The following FETUB variants were observed in gnomAD, a reference collection of about 807,000 sequenced individuals.
The protein encoded by FETUB is fetuin B, also known as fetuin-B.
FETUB carries 28 observed loss-of-function variants against 30.9 expected under a neutral mutation model. The ratio of observed to expected loss-of-function variants is 0.90; its 90% CI spans 0.67 to 1.24. The LOEUF (loss-of-function observed/expected upper bound fraction) is 1.24, where lower values mean the gene tolerates loss of function less well. Among genes scored for constraint, FETUB ranks in the 50% most tolerant of loss-of-function variants. The pLI, the probability that FETUB is intolerant of heterozygous loss-of-function variation, is 0.00. For synonymous variants in FETUB, 186 were observed against 175.9 expected, an observed-to-expected ratio of 1.06 and a Z score of -0.45; for missense variants, 469 against 455.3, an observed-to-expected ratio of 1.03 and a Z score of -0.27.
At chr3:186,652,107 G>A (rs181827913) in intron 6 of FETUB, among the ~76,000 whole-genome samples, 156 bp from the exon 7 acceptor site, 5 of 152,204 alleles carry the variant, frequency 3.3e-5, no homozygotes, top group Admixed American at 6.5e-5. Context: ...GCCCTTATCT[G>A]TTTTGTTTTT....
chr3:186,641,169 G>A, intron 2 of FETUB, 29 bp downstream of exon 2: 1 of 1,417,504 alleles, frequency 7.1e-7, no homozygotes, highest in Middle Eastern at 1.8e-4. Context: ...AAACCATTAA[G>A]GGCCCTAGGG....
chr3:186,642,564 A>G lies in FETUB; in HGVS notation c.424+6A>G, dbSNP rs1408749385. On this transcript the variant is annotated splice_donor_region_variant and intron_variant, in intron 3 of 6. Transcript: ENST00000265029. ...TAACTGTACTCTTCGCCCAGGTAAGAAATCACTACGATTTTGTTAGTTTTA... is the reference window on the plus strand; with the variant it reads ...TAACTGTACTCTTCGCCCAGGTAAGGAATCACTACGATTTTGTTAGTTTTA... 1.9e-6 allele frequency: 3 copies of G among 1,539,996 alleles called. No homozygotes were observed. The highest frequency in any genetic ancestry group is 2.7e-6 in the Non-Finnish European group (3 of 1,114,622).
In FETUB at chr3:186,652,501, A is replaced by G. The variant is rs551865573; in HGVS notation, c.1019A>G (p.Asp340Gly). 1.9e-6 allele frequency: 3 copies of G among 1,614,058 alleles called. No individual in the cohort carries two copies. The African/African-American group carries it at 4.0e-5, about 22-fold the overall frequency. Residue 340 changes from aspartate (D) to glycine (G), a missense_variant, in exon 7 of 7, where the codon GAT becomes GGT. Asp to Gly is a moderately conservative substitution (Grantham distance 94). Transcript: ENST00000265029. ...LTTNPQGETL[D>G]ISFLFLEPME... ...ACGAATCCCCAGGGAGAAACCCTGG[A>G]TATTTCCTTCCTCTTCCTGGAGCCT...
At chr3:186,651,582 A>C in intron 6 of FETUB, 1 of 402,362 alleles carries the variant, frequency 2.5e-6, no homozygotes, top group Non-Finnish European at 4.5e-6. Flanking sequence ...TCAGCGTCCC[A>C]AAGAAACCTT....
At position 186,641,124 on chromosome 3, in the gene FETUB, G is replaced by A. The variant is rs773005796; in HGVS notation, c.320G>A (p.Arg107Lys). The change falls in exon 2 of 7, where the codon AGG becomes AAG. Residue 107 changes from arginine to lysine, a missense_variant. Coordinates refer to ENST00000265029, the MANE Select transcript of FETUB (RefSeq NM_014375.3). Reference protein sequence around the residue: ...RKKAWQDCGMRIFFESVYGQC... With the variant: ...RKKAWQDCGMKIFFESVYGQC... ...AAGGCATGGCAAGACTGTGGAATGAGGATATTTTTTGAATCAGTGAGTGCT... is the reference window on the plus strand; with the variant it reads ...AAGGCATGGCAAGACTGTGGAATGAAGATATTTTTTGAATCAGTGAGTGCT... 3.1e-6 allele frequency: 5 copies of A among 1,611,614 alleles called. No homozygotes were observed. The highest frequency in any genetic ancestry group is 2.7e-5 in the African/African-American group (2 of 74,874).
At chr3:186,642,653 C>G in intron 3 of FETUB, 95 bp downstream of exon 3, 2 of 768,176 alleles carry the variant, frequency 2.6e-6, no homozygotes, top group Non-Finnish European at 4.5e-6. Flanking sequence ...ATCTCTCATT[C>G]TTATTTTCTG....
chr3:186,646,556 T>C (rs145379121), intron 5 of FETUB, among the ~76,000 whole-genome samples: 53 of 152,334 alleles, frequency 3.5e-4, no homozygotes, highest in African/African-American at 1.2e-3. Context: ...AGTGATTATA[T>C]AGAGCTGTAA....
intron 6 of FETUB, chr3:186,651,601 C>G (rs769386642): frequency 8.4e-6 from 3 of 358,468 alleles, no homozygotes; most frequent in Non-Finnish European, 1.5e-5. Context: ...TTACCTCAAG[C>G]CACAGGGAGA....
At chr3:186,651,143 C>T (rs2108547655) in intron 5 of FETUB, 75 bp from the exon 6 acceptor site, 2 of 967,070 alleles carry the variant, frequency 2.1e-6, no homozygotes. Context: ...TGTGTATCTA[C>T]ACAAGTAGAA....
Position 186,646,234 on chromosome 3 carries a change from T to C in FETUB, c.595-14T>C. Reference sequence around the variant, plus strand: ...ATGTTTGATTTTTATGTCTCAACTCTTGTCTCATAACAGTGGGTGGTCGGC... The same window carrying C: ...ATGTTTGATTTTTATGTCTCAACTCCTGTCTCATAACAGTGGGTGGTCGGC... On this transcript the variant is annotated splice_polypyrimidine_tract_variant and intron_variant, in intron 4 of 6. Coordinates refer to ENST00000265029, the MANE Select transcript of FETUB (RefSeq NM_014375.3). 1 of 1,589,358 alleles carries C rather than the reference T, an allele frequency of 6.3e-7. No individual in the cohort carries two copies. The highest frequency in any genetic ancestry group is 8.6e-7 in the Non-Finnish European group (1 of 1,158,200).
chr3:186,652,574 C>T lies in FETUB; in HGVS notation c.1092C>T (p.Arg364=). 5.6e-6 allele frequency: 9 copies of T among 1,613,670 alleles called. No homozygotes were observed. The highest frequency in any genetic ancestry group is 7.6e-6 in the Non-Finnish European group (9 of 1,179,938). The change falls in exon 7 of 7, where the codon CGC becomes CGT. Residue 364 remains arginine (R), a synonymous_variant. Coordinates refer to ENST00000265029, the MANE Select transcript of FETUB (RefSeq NM_014375.3). ...TGCCTTTCCCCAAAGAAAAAGCACGCACTGCTGAGTGCCCAGGGCCAGCCC... is the reference window on the plus strand; with the variant it reads ...TGCCTTTCCCCAAAGAAAAAGCACGTACTGCTGAGTGCCCAGGGCCAGCCC... ...VVLPFPKEKA[R]TAECPGPAQN...
chr3:186,636,080 G>C (rs1020701005), upstream of FETUB: 1 of 152,230 alleles, frequency 6.6e-6, no homozygotes, highest in Non-Finnish European at 1.5e-5. Context: ...CATAGGGTCA[G>C]TATACTCACC....
Position 186,651,356 on chromosome 3 carries a change from G to C in FETUB, c.780+55G>C, listed in dbSNP as rs148064739. 150 of 1,137,932 alleles carry C rather than the reference G, an allele frequency of 1.3e-4. No homozygotes were observed. The African/African-American group carries it at 2.1e-3, about 16-fold the overall frequency. The allele number at this position is 1,137,932 out of a possible 1,614,324, so 70.5% of individuals were successfully genotyped here. A position where few individuals can be genotyped will look rare whatever the true frequency, so the allele number is the denominator to read the frequency against. ...TGTGAAGAAGAGCAGATTATCGATA[G>C]TTACCTGCCACTACCTTACCCCCTC... On this transcript the variant is annotated intron_variant, in intron 6 of 6. Transcript: ENST00000265029.
At chr3:186,636,253 A>T (rs1406164114), upstream of FETUB, 2 of 152,204 alleles carry the variant, frequency 1.3e-5, no homozygotes, top group Non-Finnish European at 2.9e-5. Flanking sequence ...TGGCTTGAAG[A>T]TCCTACCTGC....
upstream of FETUB, among the ~76,000 whole-genome samples, chr3:186,637,896 C>A (rs184399892): frequency 1.3e-5 from 2 of 152,304 alleles, no homozygotes; most frequent in Admixed American, 1.3e-4. Flanking sequence ...TGGGAGGAGC[C>A]TGAGGCTCCC....
upstream of FETUB, among the ~76,000 whole-genome samples, chr3:186,638,477 G>A (rs557864496): frequency 6.4e-4 from 98 of 152,304 alleles, no homozygotes; most frequent in African/African-American, 2.2e-3. Context: ...TTACCGTGCA[G>A]TGGAAGAGGT....
chr3:186,637,004 A>G (rs771590304), upstream of FETUB, among the ~76,000 whole-genome samples: 4 of 152,138 alleles, frequency 2.6e-5, no homozygotes, highest in South Asian at 2.1e-4. Flanking sequence ...CTGAAGCCAC[A>G]TAGGTTGGAT....
In FETUB at chr3:186,641,151, G is replaced by C. The variant is rs757505043; in HGVS notation, c.336+11G>C. Reference sequence around the variant, plus strand: ...ATATTTTTTGAATCAGTGAGTGCTTGTTTTTATAAACCATTAAGGGCCCTA... The same window carrying C: ...ATATTTTTTGAATCAGTGAGTGCTTCTTTTTATAAACCATTAAGGGCCCTA... On this transcript the variant is annotated intron_variant, in intron 2 of 6. Transcript: ENST00000265029. The C allele has an allele frequency of 1.3e-6, 2 of 1,561,026 alleles. No homozygotes were observed. Among genetic ancestry groups the C allele is most frequent in the Non-Finnish European group, 1.8e-6 (2 of 1,133,934 alleles).
intron 5 of FETUB, among the ~76,000 whole-genome samples, chr3:186,647,628 G>C (rs1020857619): frequency 1.3e-5 from 2 of 152,072 alleles, no homozygotes; most frequent in African/African-American, 2.4e-5. Context: ...TTATCCATTA[G>C]TATGTTTTCT....
Sources: gnomAD v4.1 joint callset for allele counts (sites outside exome capture counted in the v4.1 genomes callset) on GRCh38, gnomAD v4.1.1 for gene constraint, MANE v1.5 for transcripts, NCBI Gene and HGNC (gene_info 2026-07-23, HGNC 2026-07-21) for gene names.